CLMN: variants seen among roughly 807,000 people sequenced by gnomAD.
The protein encoded by CLMN is calmin.
Under a neutral mutation model 92.7 loss-of-function variants are expected in CLMN, and 57 were observed. The ratio of observed to expected loss-of-function variants is 0.61; its 90% confidence interval spans 0.50 to 0.77. The LOEUF (loss-of-function observed/expected upper bound fraction) is 0.77. Ranked by LOEUF, CLMN falls within the 30% of genes least tolerant of loss-of-function variation. The pLI is 0.00. For synonymous variants in CLMN, 466 were observed against 470.6 expected, an observed-to-expected ratio of 0.99 and a Z score of 0.13; for missense variants, 1,158 against 1,237.5, an observed-to-expected ratio of 0.94 and a Z score of 0.96.
At position 95,196,596 on chromosome 14, in the gene CLMN, A is replaced by C; in HGVS notation, c.2610T>G (p.His870Gln). ...ATAGTGAACTTTCTACGTGGTCCAC[A>C]TGTTTCCTTTTTTCCTTTTTTTTAC... ...ISSKKKEKRKHVDHVESSLFV... is the reference protein window; with the variant it reads ...ISSKKKEKRKQVDHVESSLFV... The change falls in exon 10 of 13, where the codon CAT becomes CAG. Residue 870 changes from histidine to glutamine, a missense_variant. Coordinates refer to ENST00000298912, the MANE Select transcript of CLMN (RefSeq NM_024734.4). 6.2e-7 allele frequency: 1 copy of C among 1,613,900 alleles called. No individual in the cohort carries two copies. Among genetic ancestry groups the C allele is most frequent in the Non-Finnish European group, 8.5e-7 (1 of 1,179,826 alleles).
At position 95,188,583 on chromosome 14, in the gene CLMN, G is replaced by A. The variant is rs1896491597; in HGVS notation, c.*2981C>T. 6.6e-6 allele frequency: 1 copy of A among 151,866 alleles called. No homozygotes were observed. Among genetic ancestry groups the A allele is most frequent in the Admixed American group, 6.6e-5 (1 of 15,246 alleles). The allele number at this position is 151,866 out of a possible 1,614,324, so 9.4% of individuals were successfully genotyped here. On this transcript the variant is annotated 3_prime_UTR_variant, in exon 13 of 13. Transcript: ENST00000298912. ...GGGAGGGTCCAACATTGAAATAATAGGTGGTCCAGAAAGAAAGAATGTAAA... is the reference window on the plus strand; with the variant it reads ...GGGAGGGTCCAACATTGAAATAATAAGTGGTCCAGAAAGAAAGAATGTAAA...
At position 95,194,496 on chromosome 14, in the gene CLMN, G is replaced by A. The variant is rs1422506150; in HGVS notation, c.2769+40C>T. Reference sequence around the variant, plus strand: ...AGGAAGGATGGAAAGGAATTGATTAGCAGGGGCCGTGCGGAAAGAGAAGAA... The same window carrying A: ...AGGAAGGATGGAAAGGAATTGATTAACAGGGGCCGTGCGGAAAGAGAAGAA... On this transcript the variant is annotated intron_variant, in intron 11 of 12. Coordinates refer to ENST00000298912, the MANE Select transcript of CLMN (RefSeq NM_024734.4). This position sits in a 1 kb window ranked among gnomAD's most constrained non-coding sequence, Gnocchi z 4.0. 1 of 1,613,786 alleles carries A rather than the reference G, an allele frequency of 6.2e-7. No individual in the cohort carries two copies. Among genetic ancestry groups the A allele is most frequent in the East Asian group, 2.2e-5 (1 of 44,864 alleles).
chr14:95,203,458 G>A lies in CLMN; in HGVS notation c.1891C>T (p.Pro631Ser). 3 of 1,614,142 alleles carry A rather than the reference G, an allele frequency of 1.9e-6. No homozygotes were observed. Among genetic ancestry groups the A allele is most frequent in the Non-Finnish European group, 2.5e-6 (3 of 1,180,024 alleles). Reference sequence around the variant, plus strand: ...GCTTCTTCTCCGGAGTCCTGATGAGGTTCATGTTTGTCCATCTTAACTTGA... The same window carrying A: ...GCTTCTTCTCCGGAGTCCTGATGAGATTCATGTTTGTCCATCTTAACTTGA... ...EPQVKMDKHEPHQDSGEEAEG... is the reference protein window; with the variant it reads ...EPQVKMDKHESHQDSGEEAEG... Residue 631 changes from proline (P) to serine (S), a missense_variant, in exon 9 of 13, where the codon CCT (proline) becomes TCT (serine). Coordinates refer to ENST00000298912, the MANE Select transcript of CLMN (RefSeq NM_024734.4).
intron 1 of CLMN, among the ~76,000 whole-genome samples, chr14:95,286,279 G>C (rs1595096088): frequency 1.3e-5 from 2 of 152,292 alleles, no homozygotes; most frequent in East Asian, 3.9e-4. Flanking sequence ...AGAGGTAATA[G>C]CCATACAATG....
At chr14:95,263,227 C>T (rs114707157) in intron 1 of CLMN, among the ~76,000 whole-genome samples, 3,403 of 152,260 alleles carry the variant, frequency 0.022, 144 homozygotes, top group African/African-American at 0.079. Context: ...GTCCTCTTCA[C>T]GTGGCAGCAG....
At position 95,256,107 on chromosome 14, in the gene CLMN, A is replaced by C. The variant is rs1009121753; in HGVS notation, c.83-25974T>G. ...TACAGCTAGAAGTGGGCAGAATGGT[A>C]ATTTGAGCCCAAGTTCTGAACCACT... On this transcript the variant is annotated intron_variant, in intron 1 of 12. Transcript: ENST00000298912. This position sits in a 1 kb window ranked among gnomAD's most constrained non-coding sequence, Gnocchi z 4.9. Among the ~76,000 whole-genome samples, 11 of 152,192 alleles carry C rather than the reference A, an allele frequency of 7.2e-5. No homozygotes were observed. Among genetic ancestry groups the C allele is most frequent in the Non-Finnish European group, 1.6e-4 (11 of 68,022 alleles).
chr14:95,284,316 A>C (rs1900256114), intron 1 of CLMN, among the ~76,000 whole-genome samples: 1 of 152,236 alleles, frequency 6.6e-6, no homozygotes, highest in South Asian at 2.1e-4. Flanking sequence ...GCCCTCATGG[A>C]AAACCTCCAC....
At chr14:95,295,592 GCA>G (rs796833869) in intron 1 of CLMN, among the ~76,000 whole-genome samples, 13 of 152,326 alleles carry the variant, frequency 8.5e-5, no homozygotes, top group Admixed American at 3.9e-4. Flanking sequence ...CTCTTTGAAT[GCA>G]CAGTTTTCTG....
At chr14:95,233,062 C>T (rs887232754) in intron 1 of CLMN, among the ~76,000 whole-genome samples, 1 of 152,164 alleles carries the variant, frequency 6.6e-6, no homozygotes, top group Admixed American at 6.5e-5. Context: ...AAGGCTGTCC[C>T]GGTTTATGCT....
chr14:95,225,605 C>T (rs1897685990), intron 2 of CLMN, among the ~76,000 whole-genome samples: 1 of 152,224 alleles, frequency 6.6e-6, no homozygotes. Context: ...GGGAGATGTC[C>T]TCAGCTGGCG....
chr14:95,248,579 T>A (rs1401531571), intron 1 of CLMN, among the ~76,000 whole-genome samples: 4 of 152,214 alleles, frequency 2.6e-5, no homozygotes, highest in Non-Finnish European at 5.9e-5. Context: ...AAGGAAATCA[T>A]TAGCAGAAGT....
In CLMN at chr14:95,256,851, A is replaced by G. The variant is rs1899018578; in HGVS notation, c.83-26718T>C. ...CCACTAAGCCTCCTGGGTCAGGGGC[A>G]GAATTGGAGCAGGAGCTTGAAGGCC... On this transcript the variant is annotated intron_variant, in intron 1 of 12. Transcript: ENST00000298912. The surrounding 1 kb of genome is among the most constrained non-coding windows in gnomAD (Gnocchi z 4.9). Among the ~76,000 whole-genome samples, 1 of 152,240 alleles carries G rather than the reference A, an allele frequency of 6.6e-6. No individual in the cohort carries two copies. The highest frequency in any genetic ancestry group is 2.4e-5 in the African/African-American group (1 of 41,474).
At chr14:95,251,863 T>C (rs969782230) in intron 1 of CLMN, among the ~76,000 whole-genome samples, 7 of 152,150 alleles carry the variant, frequency 4.6e-5, no homozygotes, top group East Asian at 1.9e-4. Context: ...CTTATTCTCA[T>C]AGCTCCAGGC....
At chr14:95,273,358 C>T (rs1429555492) in intron 1 of CLMN, among the ~76,000 whole-genome samples, 8 of 152,290 alleles carry the variant, frequency 5.3e-5, no homozygotes, top group Middle Eastern at 3.4e-3. Context: ...AGAGGCCACA[C>T]GTCAAGAAGG....
At chr14:95,312,723 G>C (rs1159120789) in intron 1 of CLMN, among the ~76,000 whole-genome samples, 1 of 152,186 alleles carries the variant, frequency 6.6e-6, no homozygotes, top group Non-Finnish European at 1.5e-5. Context: ...GATAGAATCA[G>C]ACGTGGGATA....
At chr14:95,228,176 G>T (rs1239737595) in intron 2 of CLMN, among the ~76,000 whole-genome samples, 1 of 152,040 alleles carries the variant, frequency 6.6e-6, no homozygotes, top group Non-Finnish European at 1.5e-5. Context: ...TTTTAAAAAA[G>T]AAAGAAAGAA....
chr14:95,280,620 T>C (rs1299593012), intron 1 of CLMN, among the ~76,000 whole-genome samples: 2 of 152,216 alleles, frequency 1.3e-5, no homozygotes, highest in Non-Finnish European at 2.9e-5. Flanking sequence ...AAATTAAGTC[T>C]TTTTCTGACC....
Position 95,201,255 on chromosome 14 carries a change from T to C in CLMN, c.2511+1583A>G, listed in dbSNP as rs186062792. The stretch of plus-strand genomic sequence containing the variant: ...GTGCAAGTTTGTTATGTAGGTATAT[T>C]GCATGATGCTGAAGCTTGGGGTAAT... On this transcript the variant is annotated intron_variant, in intron 9 of 12. Coordinates refer to ENST00000298912, the MANE Select transcript of CLMN (RefSeq NM_024734.4). Among the ~76,000 whole-genome samples, 493 of 151,992 alleles carry C rather than the reference T, an allele frequency of 3.2e-3. 3 individuals are homozygous for C. The highest frequency in any genetic ancestry group is 7.3e-3 in the Admixed American group (112 of 15,282).
intron 2 of CLMN, among the ~76,000 whole-genome samples, chr14:95,225,154 CAA>C (rs200153974): frequency 1.3e-4 from 18 of 141,840 alleles, no homozygotes; most frequent in Admixed American, 2.1e-4. Context: ...AAAGTTGTAC[CAA>C]AAAAAAAAAA....
Sources: allele counts gnomAD v4.1 joint callset (sites outside exome capture counted in the v4.1 genomes callset), GRCh38; gene constraint gnomAD v4.1.1; non-coding constraint Gnocchi (gnomAD v3.1); transcripts MANE v1.5; gene names NCBI Gene and HGNC (gene_info 2026-07-23, HGNC 2026-07-21).